Variants in LRP1B observed in about 807,000 individuals in gnomAD.
The protein encoded by LRP1B is low-density lipoprotein receptor-related protein 1B.
A neutral mutation model predicts 556.6 loss-of-function variants in LRP1B; 217 were observed. The observed-to-expected ratio is 0.39, with a 90% CI of 0.35 to 0.44. The LOEUF is 0.44. LRP1B is among the 20% of genes least tolerant of loss of function. The pLI, the probability that LRP1B is intolerant of heterozygous loss-of-function variation, is 1.00. For missense variants in LRP1B, 5,053 were observed against 5,620.8 expected (o/e 0.90, Z 3.23); for synonymous variants, 2,047 against 1,865.8 (o/e 1.10, Z -2.50).
At chr2:140,587,738 A>G (rs1231870276) in intron 43 of LRP1B, among the ~76,000 whole-genome samples, 1 of 152,122 alleles carries the variant, frequency 6.6e-6, no homozygotes, top group Non-Finnish European at 1.5e-5. Context: ...ACATATATCA[A>G]AACATCACCT....
intron 83 of LRP1B, among the ~76,000 whole-genome samples, chr2:140,305,505 A>G (rs1684027896): frequency 6.6e-6 from 1 of 152,192 alleles, no homozygotes; most frequent in Non-Finnish European, 1.5e-5. Context: ...TTGATTTTGT[A>G]TCCTGAGACT....
chr2:141,931,509 A>G (rs949474505), intron 1 of LRP1B, among the ~76,000 whole-genome samples: 51 of 152,162 alleles, frequency 3.4e-4, no homozygotes, highest in African/African-American at 1.2e-3. Flanking sequence ...TAGCATCATC[A>G]ATTCCATGTG....
intron 84 of LRP1B, among the ~76,000 whole-genome samples, chr2:140,280,854 T>C (rs1682884701): frequency 6.6e-6 from 1 of 151,770 alleles, no homozygotes; most frequent in Admixed American, 6.6e-5. Flanking sequence ...TCTAAGAAAG[T>C]AGAGTGAACC....
chr2:140,876,869 C>A (rs993713607), intron 25 of LRP1B, among the ~76,000 whole-genome samples: 1 of 152,038 alleles, frequency 6.6e-6, no homozygotes, highest in Non-Finnish European at 1.5e-5. Flanking sequence ...CAAATCAGTC[C>A]TACGAGGATT....
At chr2:140,953,511 G>A (rs920098225) in intron 18 of LRP1B, among the ~76,000 whole-genome samples, 3 of 152,152 alleles carry the variant, frequency 2.0e-5, no homozygotes, top group African/African-American at 7.2e-5. Flanking sequence ...ACAACGCAGA[G>A]AATATTTGTA....
intron 3 of LRP1B, among the ~76,000 whole-genome samples, chr2:141,288,834 A>C (rs1301931138): frequency 1.3e-5 from 2 of 152,160 alleles, no homozygotes; most frequent in Non-Finnish European, 2.9e-5. Flanking sequence ...ACTTCCCTTC[A>C]TATTTCCTCA....
chr2:140,375,562 AAG>A (rs1216864570), intron 68 of LRP1B, among the ~76,000 whole-genome samples: 3 of 152,112 alleles, frequency 2.0e-5, no homozygotes, highest in Admixed American at 6.6e-5. Flanking sequence ...TGGATTTAAT[AAG>A]AGAGGATTTT....
intron 86 of LRP1B, among the ~76,000 whole-genome samples, chr2:140,261,145 G>GT (rs1185952951): frequency 1.3e-5 from 2 of 151,704 alleles, no homozygotes; most frequent in Non-Finnish European, 2.9e-5. Context: ...TTGGTTGCTA[G>GT]TAACAATCTT....
chr2:140,873,195 C>G (rs1693194287), intron 25 of LRP1B, among the ~76,000 whole-genome samples: 1 of 151,892 alleles, frequency 6.6e-6, no homozygotes, highest in Non-Finnish European at 1.5e-5. Context: ...CTTATCCCTG[C>G]CGAATATTAT....
intron 86 of LRP1B, among the ~76,000 whole-genome samples, chr2:140,265,287 T>TA (rs1036597545): frequency 2.1e-5 from 3 of 140,946 alleles, no homozygotes; most frequent in East Asian, 2.1e-4. Context: ...TAGATTTTTT[T>TA]AAAAAAACAT....
intron 1 of LRP1B, among the ~76,000 whole-genome samples, chr2:141,970,878 C>T (rs1701711007): frequency 6.6e-6 from 1 of 151,516 alleles, no homozygotes; most frequent in Admixed American, 6.6e-5. Flanking sequence ...TCTGTTTATT[C>T]ATGACCACAG....
At chr2:140,934,212 C>G (rs2105276068) in intron 20 of LRP1B, among the ~76,000 whole-genome samples, 1 of 152,008 alleles carries the variant, frequency 6.6e-6, no homozygotes, top group Non-Finnish European at 1.5e-5. Flanking sequence ...AAAATCAGGA[C>G]AGAAGAACAT....
intron 56 of LRP1B, among the ~76,000 whole-genome samples, chr2:140,495,172 C>G (rs1454092641): frequency 6.6e-6 from 1 of 152,084 alleles, no homozygotes. Flanking sequence ...AACTTGTTCT[C>G]TCTAGCATAT....
At chr2:141,668,092 G>C (rs1159336518) in intron 2 of LRP1B, among the ~76,000 whole-genome samples, 1 of 152,092 alleles carries the variant, frequency 6.6e-6, no homozygotes, top group Non-Finnish European at 1.5e-5. Context: ...CAGACTCAAA[G>C]GCTCTTATGG....
At position 141,062,206 on chromosome 2, in the gene LRP1B, G is replaced by T. The variant is rs762774627; in HGVS notation, c.1081C>A (p.Arg361=). The change falls in exon 8 of 91, where the codon CGA becomes AGA. Residue 361 remains arginine (R), a synonymous_variant. Transcript: ENST00000389484. ...VERCDMDGMN[R]TRIIDSKTEQ... ...GTCTTTGAATCAATTATCCTTGTTC[G>T]GTTCATCCCATCCATGTCACATCTC... 3.1e-6 allele frequency: 5 copies of T among 1,611,444 alleles called. No homozygotes were observed. In the South Asian group the frequency reaches 4.4e-5, roughly 14 times the overall value.
chr2:141,810,667 AG>A (rs1223839865), intron 1 of LRP1B, among the ~76,000 whole-genome samples: 1 of 152,100 alleles, frequency 6.6e-6, no homozygotes, highest in African/African-American at 2.4e-5. Context: ...GTTCATGACT[AG>A]GGGCTTTATC....
At chr2:140,769,804 CACTGAT>C (rs1689245592) in intron 34 of LRP1B, among the ~76,000 whole-genome samples, 1 of 141,048 alleles carries the variant, frequency 7.1e-6, no homozygotes, top group Non-Finnish European at 1.5e-5. Flanking sequence ...ATAACTGTAT[CACTGAT>C]ACTTTTAATA....
intron 9 of LRP1B, among the ~76,000 whole-genome samples, chr2:141,055,774 A>G (rs565991750): frequency 1.5e-4 from 23 of 148,636 alleles, no homozygotes; most frequent in Non-Finnish European, 2.7e-4. Flanking sequence ...TTTTAAGTCT[A>G]TTGTCATTTT....
chr2:141,348,672 A>G (rs940529970), intron 3 of LRP1B, among the ~76,000 whole-genome samples: 7 of 152,082 alleles, frequency 4.6e-5, no homozygotes, highest in Non-Finnish European at 7.4e-5. Context: ...CTCATAGAGC[A>G]CAATTGATTC....
Sources: allele counts gnomAD v4.1 joint callset (sites outside exome capture counted in the v4.1 genomes callset), GRCh38; gene constraint gnomAD v4.1.1; transcripts MANE v1.5; gene names NCBI Gene and HGNC (gene_info 2026-07-23, HGNC 2026-07-21).